The following HELZ variants were observed in gnomAD, a reference collection of about 807,000 sequenced individuals.
The protein encoded by HELZ is ATP-dependent RNA helicase with zinc finger domain.
In HELZ, 23 loss-of-function variants were observed where a neutral mutation model predicts 218.2. That is an observed-to-expected ratio of 0.11 (90% CI 0.08 to 0.15). The LOEUF is 0.15. Ranked by LOEUF, HELZ falls within the 10% of genes least tolerant of loss-of-function variation. The pLI is 1.00. For missense variants in HELZ, 1,813 were observed against 2,353.7 expected (o/e 0.77, Z 4.75); for synonymous variants, 814 against 829.4 (o/e 0.98, Z 0.32).
intron 28 of HELZ, among the ~76,000 whole-genome samples, chr17:67,112,497 G>A (rs1028945989): frequency 1.3e-4 from 20 of 152,150 alleles, no homozygotes; most frequent in Admixed American, 1.3e-3. Context: ...AGCTTTCACT[G>A]CAGCCCCCAC....
intron 21 of HELZ, among the ~76,000 whole-genome samples, chr17:67,142,781 G>A (rs1228615188): frequency 1.3e-5 from 2 of 151,886 alleles, no homozygotes; most frequent in Admixed American, 6.6e-5. Context: ...TTTTGAGACA[G>A]GGTCTAGCTC....
intron 27 of HELZ, among the ~76,000 whole-genome samples, chr17:67,115,814 A>G (rs1294274868): frequency 6.6e-6 from 1 of 152,188 alleles, no homozygotes; most frequent in African/African-American, 2.4e-5. Context: ...ATATTTTTAA[A>G]AAGTCTTTCA....
chr17:67,211,458 GAAGTA>G (rs1293760438), intron 5 of HELZ, among the ~76,000 whole-genome samples: 2 of 152,284 alleles, frequency 1.3e-5, no homozygotes, highest in East Asian at 1.9e-4. Context: ...CAGAAAAAAT[GAAGTA>G]AATATGGCAA....
At chr17:67,089,595 A>G (rs2036497178) in intron 31 of HELZ, among the ~76,000 whole-genome samples, 1 of 148,846 alleles carries the variant, frequency 6.7e-6, no homozygotes, top group African/African-American at 2.5e-5. Flanking sequence ...GAAAAGCAAA[A>G]CCGAAACTGG....
Position 67,112,562 on chromosome 17 carries a change from G to A in HELZ, c.3918+1762C>T, listed in dbSNP as rs556749616. On this transcript the variant is annotated intron_variant, in intron 28 of 32. Coordinates refer to ENST00000358691, the MANE Select transcript of HELZ (RefSeq NM_014877.4). ...TCATTTGTACTGCAGCCCCTCCAGT[G>A]GGTACTGAATCCTTCCATATATAGA... Among the ~76,000 whole-genome samples, 4 of 152,300 alleles carry A rather than the reference G, an allele frequency of 2.6e-5. No homozygotes were observed. The South Asian group carries it at 6.2e-4, about 24-fold the overall frequency.
At chr17:67,079,477 C>T (rs2036120885) in intron 32 of HELZ, among the ~76,000 whole-genome samples, 1 of 152,074 alleles carries the variant, frequency 6.6e-6, no homozygotes, top group South Asian at 2.1e-4. Context: ...CCGTGATGTT[C>T]CAGGTCAATA....
chr17:67,166,594 A>G lies in HELZ; in HGVS notation c.1779T>C (p.Phe593=). The change falls in exon 15 of 33, where the codon TTT becomes TTC. Residue 593 remains phenylalanine, a synonymous_variant. Coordinates refer to ENST00000358691, the MANE Select transcript of HELZ (RefSeq NM_014877.4). The part of the protein sequence containing the change: ...PDCDTQVELQ[F]QLNRLPLCEM... ...CACAGAGGGGTAATCGATTTAATTG[A>G]AACTGAAGTTCAACCTGAAAGACAA... 6.2e-7 allele frequency: 1 copy of G among 1,613,598 alleles called. No individual in the cohort carries two copies. Among genetic ancestry groups the G allele is most frequent in the South Asian group, 1.1e-5 (1 of 91,060 alleles).
intron 12 of HELZ, among the ~76,000 whole-genome samples, chr17:67,182,211 G>A (rs1422103423): frequency 4.6e-5 from 7 of 152,126 alleles, no homozygotes; most frequent in African/African-American, 1.4e-4. Flanking sequence ...GGAGGCCAAG[G>A]AAGGCAGGTC....
intron 3 of HELZ, among the ~76,000 whole-genome samples, chr17:67,232,882 C>G (rs973206456): frequency 1.3e-5 from 2 of 152,116 alleles, no homozygotes; most frequent in Admixed American, 1.3e-4. Context: ...GCCTGTAATC[C>G]CAGCACTTTG....
chr17:67,159,187 T>G (rs2038928532), intron 17 of HELZ, among the ~76,000 whole-genome samples: 1 of 152,240 alleles, frequency 6.6e-6, no homozygotes, highest in African/African-American at 2.4e-5. Flanking sequence ...AATACCATGT[T>G]TTCATTTACA....
At chr17:67,080,495 C>T (rs1455234789) in intron 32 of HELZ, among the ~76,000 whole-genome samples, 1 of 152,200 alleles carries the variant, frequency 6.6e-6, no homozygotes, top group Non-Finnish European at 1.5e-5. Flanking sequence ...GCTCAGTCTG[C>T]TCTTCCTGCT....
intron 31 of HELZ, among the ~76,000 whole-genome samples, chr17:67,096,030 G>A (rs1244791675): frequency 6.6e-6 from 1 of 152,196 alleles, no homozygotes; most frequent in Non-Finnish European, 1.5e-5. Flanking sequence ...TAGCAGGCAT[G>A]AAAACAACAT....
rs1598327081 is a variant in HELZ at position 67,150,929 on chromosome 17, T to C, written c.2356+117A>G. ...GTAAATAAATGAGCCAGTAAAACTT[T>C]ATTTACAAAAACAGTCAGTGAGCCA... On this transcript the variant is annotated intron_variant, in intron 18 of 32. Transcript: ENST00000358691. The C allele has an allele frequency of 1.9e-5, 15 of 802,488 alleles. No individual in the cohort carries two copies. The East Asian group carries it at 3.5e-4, about 19-fold the overall frequency. 49.7% of individuals were successfully genotyped at this position (802,488 alleles called of 1,614,324 possible).
chr17:67,160,541 AAAGG>A (rs1187213584), intron 16 of HELZ, among the ~76,000 whole-genome samples, 179 bp from the exon 17 acceptor site: 1 of 152,192 alleles, frequency 6.6e-6, no homozygotes, highest in Non-Finnish European at 1.5e-5. Flanking sequence ...TTTAAGTTAA[AAAGG>A]AAGTACCCCA....
intron 19 of HELZ, among the ~76,000 whole-genome samples, chr17:67,149,122 G>C (rs1189454881): frequency 6.6e-6 from 1 of 152,120 alleles, no homozygotes; most frequent in Non-Finnish European, 1.5e-5. Context: ...AAAAATCATT[G>C]TTAATAATTA....
chr17:67,143,771 T>C (rs78326984), intron 21 of HELZ, among the ~76,000 whole-genome samples: 1,609 of 152,296 alleles, frequency 0.011, 31 homozygotes, highest in African/African-American at 0.036. Context: ...TCTACAATTT[T>C]AAGCATGTGA....
chr17:67,112,465 C>G (rs901530287), intron 28 of HELZ, among the ~76,000 whole-genome samples: 8 of 152,234 alleles, frequency 5.3e-5, no homozygotes, highest in Non-Finnish European at 1.0e-4. Flanking sequence ...CTCTGCACCA[C>G]TTCCCAAACA....
At chr17:67,099,656 T>C (rs543133164) in intron 31 of HELZ, among the ~76,000 whole-genome samples, 1 of 152,350 alleles carries the variant, frequency 6.6e-6, no homozygotes, top group Admixed American at 6.5e-5. Flanking sequence ...TAAAAACTCC[T>C]AATTTGCTTA....
At chr17:67,151,371 G>A in intron 17 of HELZ, 147 bp from the exon 18 acceptor site, 1 of 648,608 alleles carries the variant, frequency 1.5e-6, no homozygotes, top group Non-Finnish European at 2.6e-6. Context: ...TATTGAATTA[G>A]AATTTAACAC....
Sources: gnomAD v4.1 joint callset for allele counts (sites outside exome capture counted in the v4.1 genomes callset) on GRCh38, gnomAD v4.1.1 for gene constraint, MANE v1.5 for transcripts, NCBI Gene and HGNC (gene_info 2026-07-23, HGNC 2026-07-21) for gene names.